Variants in AKAP19 observed in about 807,000 individuals in gnomAD.
AKAP19 encodes the protein small A-kinase anchoring protein.
the AKAP19 span, among the ~76,000 whole-genome samples, chr2:190,195,590 C>T: frequency 6.6e-6 from 1 of 152,142 alleles, no homozygotes; most frequent in African/African-American, 2.4e-5. Flanking sequence ...GATCTTTTGC[C>T]CATTTTTCAA....
At chr2:190,189,807 G>A in the AKAP19 span, 6 of 152,302 alleles carry the variant, frequency 3.9e-5, no homozygotes, top group East Asian at 1.2e-3. Flanking sequence ...CCCAAAGGAA[G>A]TGACAGATAA....
chr2:190,100,866 G>A, the AKAP19 span, among the ~76,000 whole-genome samples: 1 of 152,182 alleles, frequency 6.6e-6, no homozygotes, highest in African/African-American at 2.4e-5. Context: ...CCATGATGGT[G>A]TCCAGCTGAT....
At chr2:189,960,390 C>G in the AKAP19 span, among the ~76,000 whole-genome samples, 1 of 152,164 alleles carries the variant, frequency 6.6e-6, no homozygotes, top group Non-Finnish European at 1.5e-5. Context: ...AGCTCCTCCC[C>G]TCTTCTCCAA....
the AKAP19 span, among the ~76,000 whole-genome samples, chr2:190,037,532 T>TAA: frequency 6.6e-6 from 1 of 152,166 alleles, no homozygotes; most frequent in South Asian, 2.1e-4. Flanking sequence ...TCTGGGACAT[T>TAA]TTTAGAGTAT....
the AKAP19 span, among the ~76,000 whole-genome samples, chr2:190,166,317 C>CTTTTTTTTTTTTTTTTTTT: frequency 4.6e-5 from 3 of 65,298 alleles, no homozygotes; most frequent in African/African-American, 1.3e-4. Flanking sequence ...AAAATCCACT[C>CTTTTTTTTTTTTTTTTTTT]TTTTTTTTTT....
chr2:190,133,064 G>C, the AKAP19 span, among the ~76,000 whole-genome samples: 5 of 151,462 alleles, frequency 3.3e-5, no homozygotes, highest in Non-Finnish European at 2.9e-5. Context: ...GTGAAACCCC[G>C]TCTCTACTAA....
At chr2:189,992,872 C>T in the AKAP19 span, among the ~76,000 whole-genome samples, 1 of 152,106 alleles carries the variant, frequency 6.6e-6, no homozygotes, top group Non-Finnish European at 1.5e-5. Context: ...ATTTTGTATC[C>T]TGAAACTTTA....
chr2:189,923,007 C>T, the AKAP19 span, among the ~76,000 whole-genome samples: 1 of 151,938 alleles, frequency 6.6e-6, no homozygotes, highest in Non-Finnish European at 1.5e-5. Context: ...AAAAATTAGC[C>T]GGGTATGGCA....
At chr2:189,891,921 T>G in the AKAP19 span, among the ~76,000 whole-genome samples, 1 of 152,102 alleles carries the variant, frequency 6.6e-6, no homozygotes, top group Non-Finnish European at 1.5e-5. Context: ...CTTGGAGGTT[T>G]TGTTCATTCC....
the AKAP19 span, among the ~76,000 whole-genome samples, chr2:190,081,217 C>G: frequency 6.6e-6 from 1 of 151,566 alleles, no homozygotes; most frequent in South Asian, 2.1e-4. Flanking sequence ...TCCTCCCATC[C>G]CCCCATCCCC....
the AKAP19 span, among the ~76,000 whole-genome samples, chr2:190,104,153 T>C: frequency 6.6e-6 from 1 of 152,124 alleles, no homozygotes; most frequent in Non-Finnish European, 1.5e-5. Flanking sequence ...AATGAAACTA[T>C]ACCCCCACAT....
At chr2:190,110,858 C>T in the AKAP19 span, among the ~76,000 whole-genome samples, 1 of 152,170 alleles carries the variant, frequency 6.6e-6, no homozygotes, top group Non-Finnish European at 1.5e-5. Context: ...GTCTCTATTA[C>T]ACAGTCTAAG....
chr2:189,893,783 G>C, the AKAP19 span, among the ~76,000 whole-genome samples: 1 of 152,052 alleles, frequency 6.6e-6, no homozygotes, highest in Non-Finnish European at 1.5e-5. Context: ...GGAAAAAAAG[G>C]CAATAAAAAA....
the AKAP19 span, among the ~76,000 whole-genome samples, chr2:190,149,091 G>A: frequency 0.01 from 1,555 of 151,812 alleles, 21 homozygotes; most frequent in African/African-American, 0.036. Context: ...AGCCTCCTGA[G>A]TAGCTGGGAT....
At chr2:190,039,916 T>C in the AKAP19 span, among the ~76,000 whole-genome samples, 2 of 152,176 alleles carry the variant, frequency 1.3e-5, no homozygotes, top group African/African-American at 4.8e-5. Context: ...CTTTATTCAA[T>C]CTGTTATTGA....
chr2:190,168,594 G>A, the AKAP19 span, among the ~76,000 whole-genome samples: 1 of 152,198 alleles, frequency 6.6e-6, no homozygotes, highest in South Asian at 2.1e-4. Context: ...AAAACTGAAT[G>A]CCTTTAACAG....
chr2:189,922,168 C>A, the AKAP19 span, among the ~76,000 whole-genome samples: 10 of 152,248 alleles, frequency 6.6e-5, no homozygotes, highest in Non-Finnish European at 1.5e-4. Flanking sequence ...TAAAGAAGTT[C>A]TGTTTGGCTG....
the AKAP19 span, among the ~76,000 whole-genome samples, chr2:190,081,904 T>G: frequency 6.6e-6 from 1 of 152,138 alleles, no homozygotes; most frequent in Non-Finnish European, 1.5e-5. Context: ...CCAGAGAAAC[T>G]TTGAAAACTG....
the AKAP19 span, among the ~76,000 whole-genome samples, chr2:190,192,450 ATC>A: frequency 2.1e-4 from 20 of 93,786 alleles, no homozygotes; most frequent in Admixed American, 1.9e-3. Flanking sequence ...ATAATTCAGA[ATC>A]TGTGTGTGTG....
Sources: allele counts gnomAD v4.1 joint callset (sites outside exome capture counted in the v4.1 genomes callset), GRCh38; gene constraint gnomAD v4.1.1; transcripts MANE v1.5; gene names NCBI Gene and HGNC (gene_info 2026-07-23, HGNC 2026-07-21).